CDC42: variants seen among roughly 807,000 people sequenced by gnomAD.
CDC42 encodes cell division control protein 42 homolog.
A neutral mutation model predicts 20.8 loss-of-function variants in CDC42; 1 was observed. The ratio of observed to expected loss-of-function variants is 0.05; its 90% CI spans 0.02 to 0.23. The LOEUF (loss-of-function observed/expected upper bound fraction) is 0.23, where lower values mean the gene tolerates loss of function less well. Ranked by LOEUF, CDC42 falls within the 10% of genes least tolerant of loss-of-function variation. CDC42 has a pLI of 1.00. For synonymous variants in CDC42, 72 were observed against 84.8 expected, an observed-to-expected ratio of 0.85 and a Z score of 0.83; for missense variants, 49 against 227.9, an observed-to-expected ratio of 0.21 and a Z score of 5.05.
At chr1:22,083,195 A>G (rs887376466) in intron 3 of CDC42, among the ~76,000 whole-genome samples, 1 of 152,058 alleles carries the variant, frequency 6.6e-6, no homozygotes, top group Non-Finnish European at 1.5e-5. Context: ...AAGATAATTT[A>G]TGGCTACTTG....
intron 5 of CDC42, chr1:22,090,034 C>CACTTAGAAGGAG: frequency 1.2e-6 from 2 of 1,613,732 alleles, no homozygotes; most frequent in East Asian, 4.5e-5. Flanking sequence ...ATATTCTAAA[C>CACTTAGAAGGAG]TGTTTTCTCC....
chr1:22,054,170 ATAT>A (rs1645269421), intron 1 of CDC42, among the ~76,000 whole-genome samples: 1 of 152,170 alleles, frequency 6.6e-6, no homozygotes, highest in African/African-American at 2.4e-5. Context: ...AAAAAACTTA[ATAT>A]TTTCATAATT....
chr1:22,090,203 A>C (rs751334518), intron 5 of CDC42: 34 of 1,281,488 alleles, frequency 2.7e-5, no homozygotes, highest in Non-Finnish European at 3.3e-5. Flanking sequence ...ATATCATATA[A>C]ATTTTTTGTG....
chr1:22,053,447 C>T (rs1486883989), intron 1 of CDC42: 1 of 152,232 alleles, frequency 6.6e-6, no homozygotes, highest in Non-Finnish European at 1.5e-5. Context: ...GAGTTCCTAG[C>T]ATTTCCATCC....
Position 22,095,459 on chromosome 1 carries a change from T to G in CDC42, c.*3942T>G, listed in dbSNP as rs887115289. Among the ~76,000 whole-genome samples the G allele has an allele frequency of 6.6e-6, 1 of 151,906 alleles. No individual in the cohort carries two copies. On this transcript the variant is annotated 3_prime_UTR_variant, in exon 6 of 6. Coordinates refer to ENST00000656825, the MANE Select transcript of CDC42 (RefSeq NM_001791.4). The stretch of plus-strand genomic sequence containing the variant: ...TAATGTTTTGTATTTTTAGTAGAGA[T>G]AGGGTTTCACCATGTTAGCCAGGAT...
Position 22,065,802 on chromosome 1 carries a change from A to G in CDC42, c.-50-12627A>G, listed in dbSNP as rs7540506. Among the ~76,000 whole-genome samples the G allele has an allele frequency of 7.8e-3, 1,193 of 152,048 alleles. 22 individuals carry two copies. The highest frequency in any genetic ancestry group is 0.028 in the African/African-American group (1,158 of 41,440). On this transcript the variant is annotated intron_variant, in intron 1 of 5. Transcript: ENST00000656825. ...GGGGGAGGGGTCAGAGTCTCTGTCA[A>G]CCAGGCTGGAGTGCAGTGGCATGAT...
At chr1:22,059,895 CCTTCTTTA>C (rs1645344371) in intron 1 of CDC42, among the ~76,000 whole-genome samples, 1 of 18,906 alleles carries the variant, frequency 5.3e-5, no homozygotes, top group Admixed American at 6.8e-4. Flanking sequence ...TTTCCTTTTT[CCTTCTTTA>C]ACTATATGGT....
In CDC42 at chr1:22,098,177, T is replaced by C. The variant is rs878930266; in HGVS notation, c.*6660T>C. 6.6e-6 allele frequency among the ~76,000 whole-genome samples: 1 copy of C among 152,234 alleles called. No homozygotes were observed. Among genetic ancestry groups the C allele is most frequent in the Admixed American group, 6.5e-5 (1 of 15,282 alleles). On this transcript the variant is annotated 3_prime_UTR_variant, in exon 6 of 6. Coordinates refer to ENST00000656825, the MANE Select transcript of CDC42 (RefSeq NM_001791.4). ...AGCCTACATTTTGAACAAGCATCTT[T>C]TTATTTTGATGAAGTTTGCATTATT...
intron 5 of CDC42, chr1:22,090,420 CA>C (rs1334856568): frequency 1.0e-6 from 1 of 998,486 alleles, no homozygotes; most frequent in African/African-American, 1.7e-5. Context: ...CTCTTATGAT[CA>C]ATTGTTAATT....
At chr1:22,064,879 GTTGGTCAGGCT>G (rs1645404585) in intron 1 of CDC42, among the ~76,000 whole-genome samples, 1 of 152,136 alleles carries the variant, frequency 6.6e-6, no homozygotes, top group South Asian at 2.1e-4. Flanking sequence ...GTTTCACCAT[GTTGGTCAGGCT>G]GGTCTCGAAC....
intron 1 of CDC42, among the ~76,000 whole-genome samples, chr1:22,058,527 G>A (rs1268832258): frequency 6.7e-6 from 1 of 148,434 alleles, no homozygotes; most frequent in Non-Finnish European, 1.5e-5. Context: ...TTGTTGCCCA[G>A]GCTGGAGTGC....
intron 1 of CDC42, among the ~76,000 whole-genome samples, chr1:22,072,941 A>T (rs190189459): frequency 1.8e-4 from 28 of 152,304 alleles, no homozygotes; most frequent in East Asian, 1.2e-3. Context: ...GAGAATATAA[A>T]TTTTTTGTAA....
At chr1:22,074,943 A>G (rs1228683252) in intron 1 of CDC42, among the ~76,000 whole-genome samples, 1 of 152,236 alleles carries the variant, frequency 6.6e-6, no homozygotes, top group Non-Finnish European at 1.5e-5. Flanking sequence ...GAACAATAGA[A>G]AAATAACTGA....
chr1:22,053,264 TGGGGGGGCGGGGGA>T (rs1422426232), intron 1 of CDC42: 1 of 11,068 alleles, frequency 9.0e-5, no homozygotes, highest in Non-Finnish European at 2.0e-4. Context: ...GCGGCGGGGG[TGGGGGGGCGGGGGA>T]GGGGAGTGGC....
intron 1 of CDC42, among the ~76,000 whole-genome samples, chr1:22,065,455 C>T (rs544182432): frequency 3.9e-5 from 6 of 152,230 alleles, no homozygotes; most frequent in Middle Eastern, 3.4e-3. Context: ...TTTCTGAGTT[C>T]CCTCTTATTC....
Position 22,096,156 on chromosome 1 carries a change from TCA to T in CDC42, c.*4641_*4642del, listed in dbSNP as rs1645757136. Among the ~76,000 whole-genome samples, 1 of 151,912 alleles carries T rather than the reference TCA, an allele frequency of 6.6e-6. No homozygotes were observed. Among genetic ancestry groups the T allele is most frequent in the Admixed American group, 6.6e-5 (1 of 15,250 alleles). ...TTGTATTTTTAAGGGAGACTGGGTG[TCA>T]CTATGTTGGCCAGACAGATCTCAAA... On this transcript the variant is annotated 3_prime_UTR_variant, in exon 6 of 6. Transcript: ENST00000656825.
At chr1:22,069,093 ATGAG>A (rs1645454375) in intron 1 of CDC42, among the ~76,000 whole-genome samples, 1 of 152,126 alleles carries the variant, frequency 6.6e-6, no homozygotes, top group Non-Finnish European at 1.5e-5. Flanking sequence ...TGTTGAATGA[ATGAG>A]TAGATGAATG....
At chr1:22,087,452 T>C (rs1341101781) in intron 5 of CDC42, among the ~76,000 whole-genome samples, 1 of 151,950 alleles carries the variant, frequency 6.6e-6, no homozygotes, top group East Asian at 1.9e-4. Flanking sequence ...TAATTGGAAC[T>C]CCTTTTGTAG....
chr1:22,054,731 T>C (rs1645276366), intron 1 of CDC42, among the ~76,000 whole-genome samples: 1 of 151,732 alleles, frequency 6.6e-6, no homozygotes, highest in African/African-American at 2.4e-5. Flanking sequence ...GTGTGGAACT[T>C]GAATCTTCTG....
Sources: allele counts gnomAD v4.1 joint callset (sites outside exome capture counted in the v4.1 genomes callset), GRCh38; gene constraint gnomAD v4.1.1; transcripts MANE v1.5; gene names NCBI Gene and HGNC (gene_info 2026-07-23, HGNC 2026-07-21).